Variants in CFAP52 observed in about 807,000 individuals in gnomAD.
CFAP52 encodes the protein cilia- and flagella-associated protein 52.
Under a neutral mutation model 70.5 loss-of-function variants are expected in CFAP52, and 57 were observed. The observed-to-expected ratio is 0.81, with a 90% CI of 0.65 to 1.01. CFAP52 has a LOEUF of 1.01. Ranked by LOEUF, CFAP52 falls within the 50% of genes least tolerant of loss-of-function variation. The probability of loss-of-function intolerance (pLI) is 0.00; values close to 1 mark genes in which losing one functional copy is unlikely to be tolerated. For missense variants in CFAP52, 785 were observed against 788.5 expected, an observed-to-expected ratio of 1.00 and a Z score of 0.05; for synonymous variants, 267 against 292.5, an observed-to-expected ratio of 0.91 and a Z score of 0.89.
chr17:9,634,774 G>A (rs182185292), intron 10 of CFAP52, among the ~76,000 whole-genome samples: 1 of 151,860 alleles, frequency 6.6e-6, no homozygotes, highest in African/African-American at 2.4e-5. Flanking sequence ...AAAAAATGAA[G>A]GAATACCATA....
intron 2 of CFAP52, among the ~76,000 whole-genome samples, 179 bp downstream of exon 2, chr17:9,586,151 G>T (rs764790949): frequency 2.0e-5 from 3 of 152,062 alleles, no homozygotes; most frequent in Non-Finnish European, 4.4e-5. Context: ...GGACTCTGAT[G>T]ATTTTATACC....
chr17:9,643,770 C>T (rs1484911287), downstream of CFAP52, among the ~76,000 whole-genome samples: 1 of 152,208 alleles, frequency 6.6e-6, no homozygotes, highest in Non-Finnish European at 1.5e-5. Context: ...GAGAAATATG[C>T]ATGCTTTCTC....
intron 1 of CFAP52, among the ~76,000 whole-genome samples, chr17:9,582,591 T>C (rs191186747): frequency 1.3e-5 from 2 of 152,312 alleles, no homozygotes; most frequent in Admixed American, 6.5e-5. Flanking sequence ...TATCTTCTTG[T>C]TTGTGTTTTT....
At chr17:9,613,122 G>A (rs375084136) in intron 8 of CFAP52, among the ~76,000 whole-genome samples, 17 of 151,824 alleles carry the variant, frequency 1.1e-4, no homozygotes, top group Non-Finnish European at 1.9e-4. Context: ...CTTAAGACAC[G>A]AAGTATCTGT....
chr17:9,594,893 GTTTTT>G (rs11378454), intron 4 of CFAP52, among the ~76,000 whole-genome samples: 2 of 130,770 alleles, frequency 1.5e-5, no homozygotes, highest in African/African-American at 5.7e-5. Flanking sequence ...ATTAGGGAGG[GTTTTT>G]TTTTTTTTTT....
Position 9,585,849 on chromosome 17 carries a change from T to G in CFAP52, c.147T>G (p.Ile49Met). 1 of 1,614,018 alleles carries G rather than the reference T, an allele frequency of 6.2e-7. No individual in the cohort carries two copies. Among genetic ancestry groups the G allele is most frequent in the Non-Finnish European group, 8.5e-7 (1 of 1,180,018 alleles). Reference protein sequence around the residue: ...MIYPLGCTVLIQAINTKEQNF... With the variant: ...MIYPLGCTVLMQAINTKEQNF... ...ATCCTCTTGGTTGCACAGTCCTCAT[T>G]CAGGCAATAAATACTAAAGAGCAGA... Residue 49 changes from isoleucine to methionine, a missense_variant, in exon 2 of 14, where the codon ATT (isoleucine) becomes ATG (methionine). Ile to Met is a conservative substitution (Grantham distance 10, BLOSUM62 1). Transcript: ENST00000352665.
chr17:9,624,778 A>G (rs566909892), intron 8 of CFAP52, among the ~76,000 whole-genome samples: 1 of 152,244 alleles, frequency 6.6e-6, no homozygotes, highest in South Asian at 2.1e-4. Context: ...TATAGAATAT[A>G]CTATAGCAAC....
intron 11 of CFAP52, among the ~76,000 whole-genome samples, chr17:9,637,723 C>T (rs1157924250): frequency 2.6e-5 from 4 of 152,174 alleles, no homozygotes; most frequent in East Asian, 1.9e-4. Flanking sequence ...TACAGGCATG[C>T]GCCACCACGC....
chr17:9,598,067 GC>G (rs1157103071), intron 4 of CFAP52, among the ~76,000 whole-genome samples, 166 bp from the exon 5 acceptor site: 41 of 152,160 alleles, frequency 2.7e-4, no homozygotes, highest in Non-Finnish European at 4.1e-4. Flanking sequence ...CATAAAACCT[GC>G]CTCGTGGTGG....
At chr17:9,644,819 G>A (rs1911248268), downstream of CFAP52, 1 of 152,174 alleles carries the variant, frequency 6.6e-6, no homozygotes, top group South Asian at 2.1e-4. Context: ...CCCTGCTTAC[G>A]GATCGGGCGG....
chr17:9,589,716 G>C (rs1402340057), intron 3 of CFAP52, among the ~76,000 whole-genome samples: 1 of 128,582 alleles, frequency 7.8e-6, no homozygotes, highest in Non-Finnish European at 1.6e-5. Context: ...CTGGGGACAA[G>C]AGCGAGACTC....
At chr17:9,597,990 G>A (rs1042236194) in intron 4 of CFAP52, among the ~76,000 whole-genome samples, 1 of 152,100 alleles carries the variant, frequency 6.6e-6, no homozygotes, top group Non-Finnish European at 1.5e-5. Context: ...AGAGTGAGAC[G>A]GAGCCAGGTG....
intron 13 of CFAP52, 51 bp downstream of exon 13, chr17:9,641,886 A>G (rs764932913): frequency 2.0e-6 from 3 of 1,521,036 alleles, no homozygotes; most frequent in South Asian, 1.1e-5. Flanking sequence ...AGACGAGGAC[A>G]TGGAAGGAAC....
At chr17:9,623,275 G>C (rs950979937) in intron 8 of CFAP52, among the ~76,000 whole-genome samples, 1 of 151,852 alleles carries the variant, frequency 6.6e-6, no homozygotes, top group Admixed American at 6.6e-5. Flanking sequence ...CTTACTCTTA[G>C]CATGATATAT....
chr17:9,581,837 A>C (rs1026921365), intron 1 of CFAP52, among the ~76,000 whole-genome samples: 1 of 152,190 alleles, frequency 6.6e-6, no homozygotes, highest in African/African-American at 2.4e-5. Context: ...AGCCAATCAG[A>C]CATTCCCACT....
chr17:9,637,051 G>GCAAA (rs1258591139), intron 11 of CFAP52, among the ~76,000 whole-genome samples: 3 of 151,958 alleles, frequency 2.0e-5, no homozygotes, highest in South Asian at 4.2e-4. Flanking sequence ...TATCAAAAAA[G>GCAAA]CAAACAAACA....
In CFAP52 at chr17:9,638,609, G is replaced by C. The variant is rs1192237352; in HGVS notation, c.1473G>C (p.Val491=). The C allele has an allele frequency of 6.2e-7, 1 of 1,613,722 alleles. No homozygotes were observed. Among genetic ancestry groups the C allele is most frequent in the South Asian group, 1.1e-5 (1 of 91,022 alleles). ...TDGTCIIWDL[V]RLRRNQMILA... ...CACAGCTTTTGAATCTACTTTCCAG[G>C]CGTCTCAGGAGGAATCAGATGATAC... Residue 491 remains valine, a splice_region_variant and synonymous_variant, in exon 12 of 14, where the codon GTG becomes GTC. Coordinates refer to ENST00000352665, the MANE Select transcript of CFAP52 (RefSeq NM_145054.5).
chr17:9,608,659 T>G (rs1909600681), intron 7 of CFAP52, among the ~76,000 whole-genome samples: 1 of 152,204 alleles, frequency 6.6e-6, no homozygotes, highest in African/African-American at 2.4e-5. Context: ...ATAATAGAAA[T>G]AGCCAGCATT....
At chr17:9,625,258 T>C (rs899922469) in intron 8 of CFAP52, among the ~76,000 whole-genome samples, 3 of 152,262 alleles carry the variant, frequency 2.0e-5, no homozygotes, top group Middle Eastern at 3.4e-3. Context: ...TTCTTCCTCT[T>C]GGTATTCCCC....
Sources: allele counts gnomAD v4.1 joint callset (sites outside exome capture counted in the v4.1 genomes callset), GRCh38; gene constraint gnomAD v4.1.1; transcripts MANE v1.5; gene names NCBI Gene and HGNC (gene_info 2026-07-23, HGNC 2026-07-21).